CTNNA3: variants seen among roughly 807,000 people sequenced by gnomAD.
CTNNA3 encodes the protein catenin alpha 3.
A neutral mutation model predicts 95.7 loss-of-function variants in CTNNA3; 76 were observed. The ratio of observed to expected loss-of-function variants is 0.79; its 90% CI spans 0.66 to 0.96. The LOEUF is 0.96. Among genes scored for constraint, CTNNA3 ranks in the 40% least tolerant of loss-of-function variants. The pLI, the probability that CTNNA3 is intolerant of heterozygous loss-of-function variation, is 0.00. For synonymous variants in CTNNA3, 431 were observed against 374.4 expected (o/e 1.15, Z -1.74); for missense variants, 1,191 against 1,089.8 (o/e 1.09, Z -1.31).
At chr10:67,452,731 T>C (rs1226049216) in intron 5 of CTNNA3, among the ~76,000 whole-genome samples, 1 of 152,170 alleles carries the variant, frequency 6.6e-6, no homozygotes, top group African/African-American at 2.4e-5. Context: ...ATGAAACTTG[T>C]CTTGAAGAAA....
intron 5 of CTNNA3, among the ~76,000 whole-genome samples, chr10:67,429,348 G>C (rs913838508): frequency 1.3e-5 from 2 of 152,004 alleles, no homozygotes; most frequent in African/African-American, 2.4e-5. Flanking sequence ...CAAAGAGCCT[G>C]AATAGAAATA....
chr10:67,060,750 C>A (rs908123360), intron 7 of CTNNA3, among the ~76,000 whole-genome samples: 1 of 152,160 alleles, frequency 6.6e-6, no homozygotes, highest in Non-Finnish European at 1.5e-5. Flanking sequence ...AACTGTGGTG[C>A]CTCTGTCAGC....
At chr10:66,072,328 A>T (rs1350647343) in intron 14 of CTNNA3, among the ~76,000 whole-genome samples, 2 of 152,114 alleles carry the variant, frequency 1.3e-5, no homozygotes, top group African/African-American at 4.8e-5. Context: ...CTGCTATAAA[A>T]CTTTCCTATG....
chr10:66,133,252 T>C (rs959554122), intron 13 of CTNNA3, among the ~76,000 whole-genome samples: 1 of 152,128 alleles, frequency 6.6e-6, no homozygotes, highest in Non-Finnish European at 1.5e-5. Flanking sequence ...CAGTGGCTAA[T>C]GCCTGTAATC....
At chr10:67,340,058 A>G (rs1396678069) in intron 5 of CTNNA3, among the ~76,000 whole-genome samples, 1 of 152,186 alleles carries the variant, frequency 6.6e-6, no homozygotes, top group Non-Finnish European at 1.5e-5. Context: ...TCATTAATAT[A>G]TTAATTGTCC....
At chr10:66,363,998 T>G (rs1219292461) in intron 12 of CTNNA3, among the ~76,000 whole-genome samples, 3 of 152,232 alleles carry the variant, frequency 2.0e-5, no homozygotes, top group Non-Finnish European at 1.5e-5. Context: ...GTTAAGTAAT[T>G]TGCCTAAGAT....
intron 9 of CTNNA3, among the ~76,000 whole-genome samples, chr10:66,642,197 T>TGAAATTCTCATTTTCTTCAG (rs1845538974): frequency 6.6e-6 from 1 of 151,682 alleles, no homozygotes; most frequent in Non-Finnish European, 1.5e-5. Context: ...AATAGATAAT[T>TGAAATTCTCATTTTCTTCAG]GAAATTCTCA....
At chr10:67,580,991 A>C (rs1299621556) in intron 3 of CTNNA3, among the ~76,000 whole-genome samples, 1 of 152,188 alleles carries the variant, frequency 6.6e-6, no homozygotes, top group African/African-American at 2.4e-5. Context: ...ATATACAATC[A>C]TGTCATCTGC....
At position 67,726,611 on chromosome 10, in the gene CTNNA3, A is replaced by T. The variant is rs1564841338; in HGVS notation, c.-2+36823T>A. Among the ~76,000 whole-genome samples the T allele has an allele frequency of 9.0e-4, 16 of 17,774 alleles. 1 individual carries two copies. The East Asian group carries it at 0.014, about 16-fold the overall frequency. The allele number at this position is 17,774 out of a possible 152,430, so 11.7% of individuals were successfully genotyped here. On this transcript the variant is annotated intron_variant, in intron 1 of 17. Coordinates refer to the CTNNA3 transcript ENST00000684154. ...TGTAATATTATATTACATATTATAT[A>T]ATATATAATATATATTATATTATAT... is the stretch of plus-strand genomic sequence containing the variant.
At chr10:66,036,708 A>G (rs187412790) in intron 15 of CTNNA3, among the ~76,000 whole-genome samples, 2 of 152,186 alleles carry the variant, frequency 1.3e-5, no homozygotes, top group African/African-American at 4.8e-5. Flanking sequence ...TTTGAGAACA[A>G]CCGTTTTTAC....
At chr10:67,389,975 A>C (rs1844384880) in intron 5 of CTNNA3, among the ~76,000 whole-genome samples, 1 of 151,448 alleles carries the variant, frequency 6.6e-6, no homozygotes, top group Non-Finnish European at 1.5e-5. Flanking sequence ...CAAAATTGAC[A>C]CCCTAACATC....
At chr10:66,452,668 A>G (rs898474711) in intron 11 of CTNNA3, among the ~76,000 whole-genome samples, 2 of 152,196 alleles carry the variant, frequency 1.3e-5, no homozygotes, top group Non-Finnish European at 2.9e-5. Flanking sequence ...CAAGATTCCT[A>G]ACTTCTCTGT....
chr10:67,019,038 T>C (rs1375302684), intron 7 of CTNNA3, among the ~76,000 whole-genome samples: 4 of 152,196 alleles, frequency 2.6e-5, no homozygotes, highest in Non-Finnish European at 5.9e-5. Context: ...CCATTCACTA[T>C]TACATATCTA....
At chr10:66,069,745 C>G (rs1217887391) in intron 14 of CTNNA3, among the ~76,000 whole-genome samples, 1 of 151,984 alleles carries the variant, frequency 6.6e-6, no homozygotes, top group Admixed American at 6.6e-5. Flanking sequence ...ATACTTAAAT[C>G]CATTTTATAA....
At chr10:66,125,222 T>C (rs146961279) in intron 13 of CTNNA3, among the ~76,000 whole-genome samples, 2 of 152,272 alleles carry the variant, frequency 1.3e-5, no homozygotes, top group African/African-American at 4.8e-5. Context: ...TTCTTATTTT[T>C]AATTGATCTA....
chr10:66,590,829 T>G (rs1392721341), intron 10 of CTNNA3, among the ~76,000 whole-genome samples: 3 of 151,982 alleles, frequency 2.0e-5, no homozygotes, highest in African/African-American at 7.2e-5. Flanking sequence ...GATAATGCAT[T>G]TGATTAATAG....
At chr10:66,934,863 TAC>T (rs1847604580) in intron 7 of CTNNA3, among the ~76,000 whole-genome samples, 1 of 152,148 alleles carries the variant, frequency 6.6e-6, no homozygotes, top group African/African-American at 2.4e-5. Flanking sequence ...GGGTGGAAAA[TAC>T]ATTTTGTCAG....
chr10:66,926,770 A>AC (rs1847100947), intron 7 of CTNNA3: 3 of 944,708 alleles, frequency 3.2e-6, no homozygotes, highest in Non-Finnish European at 4.6e-6. Context: ...CACTAAAGAC[A>AC]ATTCTCTTTA....
intron 11 of CTNNA3, among the ~76,000 whole-genome samples, chr10:66,428,856 G>C (rs1410020462): frequency 4.0e-5 from 6 of 151,764 alleles, no homozygotes; most frequent in African/African-American, 1.5e-4. Flanking sequence ...AGAAAAGCAA[G>C]AGCAAACACA....
Sources: allele counts gnomAD v4.1 joint callset (sites outside exome capture counted in the v4.1 genomes callset), GRCh38; gene constraint gnomAD v4.1.1; transcripts MANE v1.5; gene names NCBI Gene and HGNC (gene_info 2026-07-23, HGNC 2026-07-21).